FRMD4A: variants seen among roughly 807,000 people sequenced by gnomAD.
FRMD4A encodes the protein FERM domain containing 4A.
A neutral mutation model predicts 129.1 loss-of-function variants in FRMD4A; 29 were observed. The observed-to-expected ratio is 0.22, with a 90% CI of 0.17 to 0.31. The LOEUF (loss-of-function observed/expected upper bound fraction) is 0.31. Among genes scored for constraint, FRMD4A ranks in the 10% least tolerant of loss-of-function variants. The pLI is 1.00. For missense variants in FRMD4A, 1,272 were observed against 1,375.8 expected (o/e 0.92, Z 1.19); for synonymous variants, 634 against 571.6 (o/e 1.11, Z -1.56).
intron 2 of FRMD4A, among the ~76,000 whole-genome samples, chr10:14,067,246 G>A (rs1325993532): frequency 6.6e-6 from 1 of 151,916 alleles, no homozygotes; most frequent in Non-Finnish European, 1.5e-5. Flanking sequence ...AACCCAGGAG[G>A]TAGGGGCTGC....
chr10:13,833,258 G>A (rs1179752134), intron 3 of FRMD4A, among the ~76,000 whole-genome samples: 1 of 152,160 alleles, frequency 6.6e-6, no homozygotes, highest in Non-Finnish European at 1.5e-5. Context: ...CAATCATGGT[G>A]GAAGAGCAAG....
At chr10:13,947,948 C>T (rs983291908) in intron 2 of FRMD4A, among the ~76,000 whole-genome samples, 16 of 151,766 alleles carry the variant, frequency 1.1e-4, no homozygotes, top group Non-Finnish European at 1.8e-4. Flanking sequence ...CCTGTAATTC[C>T]GGCACTGAGA....
rs1401402251 is a variant in FRMD4A, at chr10:14,161,167, GC to G, written c.45+168890del. On this transcript the variant is annotated intron_variant, in intron 2 of 24. Coordinates refer to ENST00000357447, the MANE Select transcript of FRMD4A (RefSeq NM_018027.5). ...GACAGGGTTTCACTGTGTTGGCCAGGCTGGTCTTGAACTCCTGACCTGAGGT... is the reference window on the plus strand; with the variant it reads ...GACAGGGTTTCACTGTGTTGGCCAGGTGGTCTTGAACTCCTGACCTGAGGT... 6.6e-5 allele frequency among the ~76,000 whole-genome samples: 10 copies of G among 152,270 alleles called. No individual in the cohort carries two copies. In the South Asian group the frequency reaches 1.5e-3, roughly 22 times the overall value.
chr10:13,654,760 A>C (rs1022730669), intron 22 of FRMD4A: 1 of 530,934 alleles, frequency 1.9e-6, no homozygotes, highest in African/African-American at 1.9e-5. Context: ...ATGCACCTTC[A>C]TTCTGAGTCA....
At chr10:14,175,282 T>G (rs1841676636) in intron 2 of FRMD4A, among the ~76,000 whole-genome samples, 1 of 152,148 alleles carries the variant, frequency 6.6e-6, no homozygotes, top group Non-Finnish European at 1.5e-5. Context: ...CTTGCCCTTC[T>G]TTCCATCTGT....
intron 15 of FRMD4A, among the ~76,000 whole-genome samples, chr10:13,689,092 G>A (rs190122183): frequency 5.3e-5 from 8 of 151,284 alleles, no homozygotes; most frequent in African/African-American, 1.5e-4. Context: ...TAGTTTTAAA[G>A]GTAATTATGT....
intron 2 of FRMD4A, among the ~76,000 whole-genome samples, chr10:13,941,350 C>T (rs1234348003): frequency 5.9e-5 from 9 of 152,208 alleles, no homozygotes. Flanking sequence ...ATTGTGATGC[C>T]TCCTCAGCCA....
intron 2 of FRMD4A, among the ~76,000 whole-genome samples, chr10:14,195,254 T>G (rs186798046): frequency 4.6e-4 from 70 of 152,272 alleles, no homozygotes; most frequent in African/African-American, 1.6e-3. Flanking sequence ...TATTACCTGT[T>G]ATAATCCAGT....
chr10:13,813,765 G>A (rs904520187), intron 3 of FRMD4A, among the ~76,000 whole-genome samples: 8 of 152,230 alleles, frequency 5.3e-5, no homozygotes, highest in South Asian at 2.1e-4. Context: ...CTGCCAGAGC[G>A]TATTGTACCG....
chr10:13,656,565 C>T lies in FRMD4A; in HGVS notation c.2953+71G>A, dbSNP rs191808513. The T allele has an allele frequency of 5.5e-4, 726 of 1,315,490 alleles. 1 individual carries two copies. Among genetic ancestry groups the T allele is most frequent in the Admixed American group, 6.5e-4 (18 of 27,702 alleles). The allele number at this position is 1,315,490 out of a possible 1,614,324, so 81.5% of individuals were successfully genotyped here. ...CCCAGTCCTAAGGGTACCTTCCCCG[C>T]GGTAGCCCTTGACACCGGCAAGCAG... is the stretch of plus-strand genomic sequence containing the variant. On this transcript the variant is annotated intron_variant, in intron 22 of 24. Coordinates refer to ENST00000357447, the MANE Select transcript of FRMD4A (RefSeq NM_018027.5).
At chr10:13,685,026 A>G (rs1303935111) in intron 15 of FRMD4A, 34 of 984,184 alleles carry the variant, frequency 3.5e-5, no homozygotes, top group Non-Finnish European at 2.9e-5. Flanking sequence ...ACAAATCCTC[A>G]GTGATGAATT....
intron 2 of FRMD4A, among the ~76,000 whole-genome samples, chr10:14,127,402 T>A (rs1472007776): frequency 6.6e-6 from 1 of 152,068 alleles, no homozygotes; most frequent in Non-Finnish European, 1.5e-5. Context: ...GTGTTCTGAG[T>A]CCCCGTCCTG....
intron 2 of FRMD4A, among the ~76,000 whole-genome samples, chr10:13,895,039 A>C (rs896715277): frequency 6.6e-6 from 1 of 152,216 alleles, no homozygotes; most frequent in Admixed American, 6.5e-5. Context: ...TATGTAAAGC[A>C]CTTAGAACAG....
intron 12 of FRMD4A, 162 bp from the exon 13 acceptor site, chr10:13,707,275 C>A: frequency 1.4e-6 from 1 of 740,232 alleles, no homozygotes; most frequent in Non-Finnish European, 2.0e-6. Flanking sequence ...CACACACATA[C>A]ACACACACAC....
chr10:13,672,706 C>G (rs1262736218), intron 16 of FRMD4A, among the ~76,000 whole-genome samples: 3 of 148,254 alleles, frequency 2.0e-5, no homozygotes, highest in Non-Finnish European at 2.9e-5. Flanking sequence ...CTGCCAAATG[C>G]TCTCCCCCTC....
chr10:13,751,860 A>G (rs77233401), intron 8 of FRMD4A, among the ~76,000 whole-genome samples: 2,026 of 152,190 alleles, frequency 0.013, 82 homozygotes, highest in South Asian at 0.12. Context: ...AAATAAAAAT[A>G]TAAAAAACAG....
rs1564971648 is a variant in FRMD4A, at chr10:13,884,200, A to ACGCACACT, written c.46-25289_46-25288insAGTGTGCG. On this transcript the variant is annotated intron_variant, in intron 2 of 24. Transcript: ENST00000357447. Reference sequence around the variant, plus strand: ...CTCACACACACACACACACACTCACACACACACTCACACACACACACACAC... The same window carrying ACGCACACT: ...CTCACACACACACACACACACTCACACGCACACTCACACACTCACACACACACACACAC... Among the ~76,000 whole-genome samples the ACGCACACT allele has an allele frequency of 5.0e-4, 28 of 55,896 alleles. 2 individuals are homozygous for ACGCACACT. In the South Asian group the frequency reaches 5.0e-3, roughly 10 times the overall value. The allele number at this position is 55,896 out of a possible 152,430, so 36.7% of individuals were successfully genotyped here.
chr10:13,848,615 T>TGTGG (rs2094092610), intron 3 of FRMD4A, among the ~76,000 whole-genome samples: 1 of 114,974 alleles, frequency 8.7e-6, no homozygotes, highest in African/African-American at 3.1e-5. Flanking sequence ...TGTACGTGTG[T>TGTGG]GTGTGTGTGT....
chr10:14,193,836 T>C (rs1194943498), intron 2 of FRMD4A, among the ~76,000 whole-genome samples: 2 of 152,192 alleles, frequency 1.3e-5, no homozygotes, highest in Admixed American at 6.5e-5. Flanking sequence ...TGGAAATGCG[T>C]TGCTCCTTTC....
Sources: allele counts gnomAD v4.1 joint callset (sites outside exome capture counted in the v4.1 genomes callset), GRCh38; gene constraint gnomAD v4.1.1; transcripts MANE v1.5; gene names NCBI Gene and HGNC (gene_info 2026-07-23, HGNC 2026-07-21).